Variants in PCDH19 observed in about 807,000 individuals in gnomAD.
The protein encoded by PCDH19 is protocadherin-19.
A neutral mutation model predicts 46.2 loss-of-function variants in PCDH19; 6 were observed. The observed-to-expected ratio is 0.13, with a 90% CI of 0.07 to 0.26. The LOEUF (loss-of-function observed/expected upper bound fraction) is 0.26, where lower values mean the gene tolerates loss of function less well. Among genes scored for constraint, PCDH19 ranks in the 10% least tolerant of loss-of-function variants. The probability of loss-of-function intolerance (pLI) is 1.00; values close to 1 mark genes in which losing one functional copy is unlikely to be tolerated. For missense variants in PCDH19, 740 were observed against 972.3 expected (o/e 0.76, Z 3.18); for synonymous variants, 481 against 415.7 (o/e 1.16, Z -1.91).
intron 3 of PCDH19, among the ~76,000 whole-genome samples, chrX:100,367,183 G>A (rs1927088536): frequency 8.9e-6 from 1 of 112,372 alleles, no homozygotes; most frequent in Non-Finnish European, 1.9e-5. Flanking sequence ...GTACAGCTCA[G>A]GGCTGAAATA....
intron 5 of PCDH19, among the ~76,000 whole-genome samples, chrX:100,321,812 CAG>C (rs1833173281): frequency 1.5e-5 from 1 of 65,890 alleles, no homozygotes; most frequent in African/African-American, 6.2e-5. Flanking sequence ...TTTTCTGAGA[CAG>C]AGTCTCGCTC....
chrX:100,355,474 A>C (rs185982074), intron 3 of PCDH19, among the ~76,000 whole-genome samples: 1 of 111,585 alleles, frequency 9.0e-6, no homozygotes, highest in East Asian at 2.8e-4. Context: ...TGCTGTTGGT[A>C]TATCAAAAGT....
At chrX:100,365,596 G>C (rs1927046374) in intron 3 of PCDH19, among the ~76,000 whole-genome samples, 1 of 111,862 alleles carries the variant, frequency 8.9e-6, no homozygotes, top group Non-Finnish European at 1.9e-5. Flanking sequence ...TTGAAAAACT[G>C]AAAAATTCCC....
intron 3 of PCDH19, among the ~76,000 whole-genome samples, chrX:100,393,316 G>C (rs55805304): frequency 9.0e-6 from 1 of 110,646 alleles, no homozygotes; most frequent in Admixed American, 9.6e-5. Flanking sequence ...GAGTTGGGAA[G>C]GGGGCTCTGA....
chrX:100,386,493 T>C (rs961189676), intron 3 of PCDH19, among the ~76,000 whole-genome samples: 1 of 112,260 alleles, frequency 8.9e-6, no homozygotes, highest in African/African-American at 3.2e-5. Flanking sequence ...TAATATTACA[T>C]AAATTTTTTT....
Position 100,408,804 on chromosome X carries a change from C to T in PCDH19, c.-207G>A. ...AATGCTGAGGTTGCGGCGGACGCGGCGGGGGCTCGCGGGGGCCCCGGGGGC... is the reference window on the plus strand; with the variant it reads ...AATGCTGAGGTTGCGGCGGACGCGGTGGGGGCTCGCGGGGGCCCCGGGGGC... On this transcript the variant is annotated 5_prime_UTR_variant, in exon 1 of 6. Transcript: ENST00000373034. 1 of 137,793 alleles carries T rather than the reference C, an allele frequency of 7.3e-6. No homozygotes were observed. The highest frequency in any genetic ancestry group is 1.4e-5 in the Non-Finnish European group (1 of 70,616). The allele number at this position is 137,793 out of a possible 1,213,427, so 11.4% of individuals were successfully genotyped here.
At chrX:100,315,193 G>A (rs1224746669) in intron 5 of PCDH19, among the ~76,000 whole-genome samples, 1 of 111,952 alleles carries the variant, frequency 8.9e-6, no homozygotes, top group Admixed American at 9.5e-5. Context: ...TATGTTATCA[G>A]CACCCCTTAC....
At chrX:100,349,913 C>T (rs955882120) in intron 4 of PCDH19, among the ~76,000 whole-genome samples, 6 of 112,471 alleles carry the variant, frequency 5.3e-5, no homozygotes, top group African/African-American at 1.6e-4. Context: ...TGGGATCTTT[C>T]TTGGCAGGAT....
chrX:100,402,950 G>A (rs1048639036), intron 2 of PCDH19, 99 bp from the exon 3 acceptor site: 16 of 613,439 alleles, frequency 2.6e-5, no homozygotes, highest in East Asian at 6.9e-5. Context: ...CCCCATCTCC[G>A]CTCCAGCTCC....
intron 3 of PCDH19, among the ~76,000 whole-genome samples, chrX:100,385,036 G>A (rs1307432372): frequency 1.8e-5 from 2 of 108,721 alleles, no homozygotes. Flanking sequence ...GTGAGCACCT[G>A]TAATCCCAGC....
chrX:100,300,803 T>TA lies in PCDH19; in HGVS notation c.2849-3929dup, dbSNP rs1392464749. Among the ~76,000 whole-genome samples, 40 of 85,503 alleles carry TA rather than the reference T, an allele frequency of 4.7e-4. No homozygotes were observed. In the South Asian group the frequency reaches 8.2e-3, roughly 17 times the overall value. 74.2% of individuals were successfully genotyped at this position (85,503 alleles called of 115,157 possible). A position where few individuals can be genotyped will look rare whatever the true frequency, so the allele number is the denominator to read the frequency against. On this transcript the variant is annotated intron_variant, in intron 5 of 5. Transcript: ENST00000373034. ...AAACAAATCTGATTATTTTAGACCA[T>TA]AAAAAATACAGAAAAAAGTGAAAGT... is the stretch of plus-strand genomic sequence containing the variant.
chrX:100,316,063 T>A (rs933563518), intron 5 of PCDH19, among the ~76,000 whole-genome samples: 1 of 111,905 alleles, frequency 8.9e-6, no homozygotes, highest in Non-Finnish European at 1.9e-5. Flanking sequence ...AGACTGGAAA[T>A]CTCTAGTGAG....
At position 100,333,183 on chromosome X, in the gene PCDH19, GAGAAAGAAAGAAAGAA is replaced by G. The variant is rs755008766; in HGVS notation, c.2848+8704_2848+8719del. On this transcript the variant is annotated intron_variant, in intron 5 of 5. Coordinates refer to ENST00000373034, the MANE Select transcript of PCDH19 (RefSeq NM_001184880.2). ...GAAGGAAGGAAGGAAGGGAGAGAGA[GAGAAAGAAAGAAAGAA>G]AGAAAGAAAGAAAGAAAGAAAGAAA... 4.8e-3 allele frequency among the ~76,000 whole-genome samples: 207 copies of G among 43,462 alleles called. 1 individual carries two copies. The highest frequency in any genetic ancestry group is 0.037 in the East Asian group (35 of 949). The allele number at this position is 43,462 out of a possible 115,157, so 37.7% of individuals were successfully genotyped here. A position where few individuals can be genotyped will look rare whatever the true frequency, so the allele number is the denominator to read the frequency against.
chrX:100,373,827 C>T (rs760439789), intron 3 of PCDH19, among the ~76,000 whole-genome samples: 2 of 112,921 alleles, frequency 1.8e-5, no homozygotes, highest in African/African-American at 6.4e-5. Flanking sequence ...CAAAGCAGGG[C>T]TCTGCTAAAA....
At chrX:100,320,508 G>A (rs1027048322) in intron 5 of PCDH19, among the ~76,000 whole-genome samples, 2 of 111,878 alleles carry the variant, frequency 1.8e-5, no homozygotes, top group African/African-American at 3.2e-5. Context: ...ATAACAGTGT[G>A]TTTAAACAAT....
chrX:100,388,295 A>G (rs72615547), intron 3 of PCDH19, among the ~76,000 whole-genome samples: 1,244 of 109,508 alleles, frequency 0.011, 50 homozygotes, highest in Admixed American at 0.091. Context: ...ATATTGTATT[A>G]TAGTTAAACA....
chrX:100,326,483 A>T (rs760279894), intron 5 of PCDH19, among the ~76,000 whole-genome samples: 6 of 111,767 alleles, frequency 5.4e-5, no homozygotes, highest in Non-Finnish European at 9.4e-5. Context: ...TAAAGGAATC[A>T]AAATGACGTC....
At chrX:100,339,648 T>G (rs1926195343) in intron 5 of PCDH19, among the ~76,000 whole-genome samples, 1 of 112,206 alleles carries the variant, frequency 8.9e-6, no homozygotes, top group South Asian at 3.7e-4. Context: ...AAGCCTGAAG[T>G]TGCTATGGGA....
Position 100,407,860 on chromosome X carries a change from G to A in PCDH19, c.738C>T (p.Ser246=). 4.1e-6 allele frequency: 5 copies of A among 1,212,252 alleles called. No individual in the cohort carries two copies. Among genetic ancestry groups the A allele is most frequent in the Non-Finnish European group, 5.6e-6 (5 of 895,569 alleles). Residue 246 remains serine, a synonymous_variant, in exon 1 of 6, where the codon AGC becomes AGT. Transcript: ENST00000373034. ...TGTTGGGAGGCGAGTTTTCTGGCAC[G>A]CTCACCGCGTAGGTGGACTCGCTAA... ...PVFSESTYAV[S]VPENSPPNTP...
Sources: allele counts gnomAD v4.1 joint callset (sites outside exome capture counted in the v4.1 genomes callset), GRCh38; gene constraint gnomAD v4.1.1; transcripts MANE v1.5; gene names NCBI Gene and HGNC (gene_info 2026-07-23, HGNC 2026-07-21).